CCDC146: variants seen among roughly 807,000 people sequenced by gnomAD.
CCDC146 encodes coiled-coil domain-containing protein 146.
Under a neutral mutation model 119.3 loss-of-function variants are expected in CCDC146, and 92 were observed. The observed-to-expected ratio is 0.77, with a 90% confidence interval of 0.65 to 0.92. The LOEUF is 0.92. Among genes scored for constraint, CCDC146 ranks in the 40% least tolerant of loss-of-function variants. The pLI, the probability that CCDC146 is intolerant of heterozygous loss-of-function variation, is 0.00. For missense variants in CCDC146, 1,000 were observed against 1,103.0 expected (o/e 0.91, Z 1.32); for synonymous variants, 372 against 371.8 (o/e 1.00, Z -0.01).
Position 77,236,997 on chromosome 7 carries a change from C to T in CCDC146, c.207C>T (p.Ala69=). ...LPGTRMAALK[A]KYTLLHDAVM... is the part of the protein sequence containing the mutation. ...GAACCAGAATGGCAGCGTTAAAAGC[C>T]AAGTATACCTTGCTGCATGACGCCG... Residue 69 remains alanine, a synonymous_variant, in exon 3 of 19, where the codon GCC becomes GCT. Transcript: ENST00000285871. 2 of 1,614,056 alleles carry T rather than the reference C, an allele frequency of 1.2e-6. No homozygotes were observed. The highest frequency in any genetic ancestry group is 1.7e-6 in the Non-Finnish European group (2 of 1,179,972).
At chr7:77,210,307 A>C (rs1451204222) in intron 2 of CCDC146, among the ~76,000 whole-genome samples, 1 of 152,130 alleles carries the variant, frequency 6.6e-6, no homozygotes, top group Non-Finnish European at 1.5e-5. Context: ...CATCTCTCTC[A>C]AGTTCAAAAT....
chr7:77,126,540 G>A (rs1790691721), intron 1 of CCDC146, among the ~76,000 whole-genome samples: 1 of 152,044 alleles, frequency 6.6e-6, no homozygotes, highest in African/African-American at 2.4e-5. Flanking sequence ...CATTAGAGAG[G>A]TGGCCCTGGA....
intron 2 of CCDC146, among the ~76,000 whole-genome samples, chr7:77,184,330 C>T (rs965107588): frequency 6.6e-6 from 1 of 152,208 alleles, no homozygotes; most frequent in African/African-American, 2.4e-5. Flanking sequence ...GGTCTCGACT[C>T]TAGCAGCGCA....
chr7:77,249,715 C>A (rs1160192989), intron 4 of CCDC146, among the ~76,000 whole-genome samples: 1 of 152,034 alleles, frequency 6.6e-6, no homozygotes, highest in Non-Finnish European at 1.5e-5. Flanking sequence ...GGATTATTGG[C>A]AAACACAGCA....
chr7:77,127,667 T>G (rs1288341588), intron 1 of CCDC146, among the ~76,000 whole-genome samples: 1 of 152,098 alleles, frequency 6.6e-6, no homozygotes. Context: ...ATGGTTTAGT[T>G]TTATTTGTCC....
intron 4 of CCDC146, among the ~76,000 whole-genome samples, chr7:77,249,943 T>G (rs1490969043): frequency 6.6e-6 from 1 of 152,194 alleles, no homozygotes; most frequent in Non-Finnish European, 1.5e-5. Flanking sequence ...TATAATTCCA[T>G]TTTCTCTCCT....
At chr7:77,215,930 G>T (rs1792294345) in intron 2 of CCDC146, among the ~76,000 whole-genome samples, 1 of 151,634 alleles carries the variant, frequency 6.6e-6, no homozygotes, top group South Asian at 2.1e-4. Flanking sequence ...TCTAATAATT[G>T]CTTCTTAATT....
chr7:77,256,852 C>A (rs995835738), intron 6 of CCDC146, among the ~76,000 whole-genome samples: 1 of 152,200 alleles, frequency 6.6e-6, no homozygotes, highest in Non-Finnish European at 1.5e-5. Flanking sequence ...CACCTGTAAT[C>A]CCAGCACTTT....
intron 15 of CCDC146, among the ~76,000 whole-genome samples, chr7:77,285,531 A>G (rs1052785850): frequency 6.6e-6 from 1 of 152,212 alleles, no homozygotes; most frequent in African/African-American, 2.4e-5. Flanking sequence ...AATACCATCA[A>G]TATATTATCT....
At chr7:77,172,631 C>G (rs1158636005) in intron 2 of CCDC146, among the ~76,000 whole-genome samples, 1 of 152,188 alleles carries the variant, frequency 6.6e-6, no homozygotes, top group Non-Finnish European at 1.5e-5. Flanking sequence ...CTTTTACAAT[C>G]TAGTCATTCA....
At chr7:77,277,885 T>C (rs1210215414) in intron 11 of CCDC146, among the ~76,000 whole-genome samples, 2 of 152,210 alleles carry the variant, frequency 1.3e-5, no homozygotes, top group African/African-American at 2.4e-5. Context: ...ATGTTTCTTA[T>C]CCCAGATGCA....
At chr7:77,154,153 G>T (rs1357813015) in intron 1 of CCDC146, among the ~76,000 whole-genome samples, 1 of 152,122 alleles carries the variant, frequency 6.6e-6, no homozygotes, top group South Asian at 2.1e-4. Flanking sequence ...GGGGAGGTCC[G>T]AGGGGTTGAC....
At chr7:77,279,139 G>A (rs764591705) in intron 13 of CCDC146, 38 bp downstream of exon 13, 4 of 1,588,206 alleles carry the variant, frequency 2.5e-6, no homozygotes, top group Non-Finnish European at 3.4e-6. Context: ...TCAAAGGCTT[G>A]TTTTCTGATT....
intron 2 of CCDC146, among the ~76,000 whole-genome samples, chr7:77,203,760 G>C (rs542965391): frequency 6.6e-6 from 1 of 152,110 alleles, no homozygotes; most frequent in Non-Finnish European, 1.5e-5. Context: ...CCCTGAATCT[G>C]TCCTTGACCC....
chr7:77,265,966 G>A (rs757179042), intron 9 of CCDC146, among the ~76,000 whole-genome samples: 47 of 152,134 alleles, frequency 3.1e-4, no homozygotes, highest in Non-Finnish European at 6.2e-4. Context: ...ATGACAAAGT[G>A]GAATGAATTA....
At chr7:77,277,573 T>C (rs2150541867) in intron 11 of CCDC146, among the ~76,000 whole-genome samples, 1 of 152,010 alleles carries the variant, frequency 6.6e-6, no homozygotes, top group East Asian at 1.9e-4. Flanking sequence ...TGCATCCACA[T>C]CCCTAAAGAC....
chr7:77,231,678 T>C (rs1368886595), intron 2 of CCDC146, among the ~76,000 whole-genome samples: 13 of 152,152 alleles, frequency 8.5e-5, no homozygotes, highest in Non-Finnish European at 1.9e-4. Flanking sequence ...CTCTATTTGA[T>C]GCATTGTCAT....
intron 2 of CCDC146, among the ~76,000 whole-genome samples, chr7:77,229,331 G>A (rs188160668): frequency 8.2e-4 from 125 of 152,178 alleles, no homozygotes; most frequent in Admixed American, 1.3e-3. Context: ...ATTAGATCCC[G>A]TTTGCCAATT....
In CCDC146 at chr7:77,130,897, C is replaced by T. The variant is rs796390571; in HGVS notation, c.-12+8165C>T. Among the ~76,000 whole-genome samples the T allele has an allele frequency of 3.4e-3, 451 of 131,712 alleles. 2 individuals are homozygous for T. Among genetic ancestry groups the T allele is most frequent in the African/African-American group, 0.012 (415 of 35,374 alleles). The allele number at this position is 131,712 out of a possible 152,430, so 86.4% of individuals were successfully genotyped here. On this transcript the variant is annotated intron_variant, in intron 1 of 18. Coordinates refer to ENST00000285871, the MANE Select transcript of CCDC146 (RefSeq NM_020879.3). Reference sequence around the variant, plus strand: ...CAGGCGTGAGCCACCGCGCCCGGCCCTTTTTTTTTTTTTAAACGGAGTCTC... The same window carrying T: ...CAGGCGTGAGCCACCGCGCCCGGCCTTTTTTTTTTTTTTAAACGGAGTCTC...
Sources: allele counts gnomAD v4.1 joint callset (sites outside exome capture counted in the v4.1 genomes callset), GRCh38; gene constraint gnomAD v4.1.1; transcripts MANE v1.5; gene names NCBI Gene and HGNC (gene_info 2026-07-23, HGNC 2026-07-21).